Variants in PTPRT observed in about 807,000 individuals in gnomAD.
The protein encoded by PTPRT is protein tyrosine phosphatase receptor type T, also known as receptor-type tyrosine-protein phosphatase T.
Under a neutral mutation model 176.8 loss-of-function variants are expected in PTPRT, and 56 were observed. The observed-to-expected ratio is 0.32, with a 90% CI of 0.26 to 0.40. PTPRT has a LOEUF of 0.40. PTPRT is among the 10% of genes least tolerant of loss of function. PTPRT has a pLI of 1.00. For missense variants in PTPRT, 1,540 were observed against 1,908.2 expected (o/e 0.81, Z 3.60); for synonymous variants, 783 against 739.0 (o/e 1.06, Z -0.96).
At chr20:42,034,333 C>T in the PTPRT span, among the ~76,000 whole-genome samples, 1 of 152,118 alleles carries the variant, frequency 6.6e-6, no homozygotes, top group East Asian at 1.9e-4. Context: ...CCATTGTGGA[C>T]ATCTCCAGCT....
chr20:42,588,606 T>C (rs1377910636), intron 7 of PTPRT, among the ~76,000 whole-genome samples: 3 of 152,192 alleles, frequency 2.0e-5, no homozygotes, highest in South Asian at 4.1e-4. Context: ...TGATTATGCA[T>C]TTAAATAATA....
At chr20:42,384,020 G>T (rs568646516) in intron 9 of PTPRT, among the ~76,000 whole-genome samples, 82 of 152,310 alleles carry the variant, frequency 5.4e-4, no homozygotes, top group Non-Finnish European at 9.1e-4. Flanking sequence ...CGACAATATG[G>T]ATGGAAGATT....
chr20:42,669,481 C>G (rs1411400378), intron 7 of PTPRT, among the ~76,000 whole-genome samples: 2 of 152,126 alleles, frequency 1.3e-5, no homozygotes, highest in African/African-American at 4.8e-5. Context: ...AATTACAGTA[C>G]AGCAGAGATG....
chr20:42,167,898 AT>A (rs1989896517), intron 16 of PTPRT, among the ~76,000 whole-genome samples: 1 of 152,214 alleles, frequency 6.6e-6, no homozygotes, highest in African/African-American at 2.4e-5. Flanking sequence ...TTGAAAATCC[AT>A]GTATAACTTA....
intron 6 of PTPRT, among the ~76,000 whole-genome samples, chr20:42,697,876 T>C (rs903650905): frequency 2.6e-5 from 4 of 152,248 alleles, no homozygotes; most frequent in Non-Finnish European, 5.9e-5. Context: ...AACAAAGTTC[T>C]CTTAAAATTC....
At chr20:43,155,940 G>T (rs2014506979) in intron 1 of PTPRT, among the ~76,000 whole-genome samples, 1 of 152,306 alleles carries the variant, frequency 6.6e-6, no homozygotes, top group East Asian at 1.9e-4. Flanking sequence ...CAAGTCGCTT[G>T]TTCAGTTCCT....
chr20:42,620,493 T>C (rs1324665866), intron 7 of PTPRT, among the ~76,000 whole-genome samples: 2 of 148,120 alleles, frequency 1.4e-5, no homozygotes, highest in East Asian at 3.9e-4. Context: ...CTGGCTGCTT[T>C]GTTTACCTAA....
intron 9 of PTPRT, among the ~76,000 whole-genome samples, chr20:42,360,293 C>T (rs561944927): frequency 1.7e-4 from 26 of 152,254 alleles, no homozygotes; most frequent in South Asian, 1.7e-3. Flanking sequence ...TCCTTAGCAC[C>T]GGGCTGCTTC....
chr20:43,155,793 CAT>C (rs1186651750), intron 1 of PTPRT, among the ~76,000 whole-genome samples: 1 of 152,124 alleles, frequency 6.6e-6, no homozygotes, highest in East Asian at 1.9e-4. Context: ...ATGATAAAAA[CAT>C]ACAATTTTTT....
intron 15 of PTPRT, among the ~76,000 whole-genome samples, chr20:42,219,420 G>A (rs1219054733): frequency 2.0e-5 from 3 of 152,264 alleles, no homozygotes; most frequent in African/African-American, 4.8e-5. Context: ...TCTCAGGGAA[G>A]CCTGACTCCC....
intron 13 of PTPRT, among the ~76,000 whole-genome samples, chr20:42,279,291 T>C (rs1333830881): frequency 6.6e-6 from 1 of 152,036 alleles, no homozygotes; most frequent in Non-Finnish European, 1.5e-5. Flanking sequence ...GGTGGTAGTA[T>C]CCTCATAAAA....
Position 42,085,870 on chromosome 20 carries a change from G to C in PTPRT, c.3847-17C>G, listed in dbSNP as rs1276384109. The stretch of plus-strand genomic sequence containing the variant: ...CATACAGAACTGAGATAAGGAAAGA[G>C]GTCACAGAAGGAGCTCAAAGGCAGG... On this transcript the variant is annotated splice_polypyrimidine_tract_variant and intron_variant, in intron 27 of 30. Transcript: ENST00000373187. 6.2e-7 allele frequency: 1 copy of C among 1,602,714 alleles called. No homozygotes were observed. Among genetic ancestry groups the C allele is most frequent in the Non-Finnish European group, 8.5e-7 (1 of 1,170,742 alleles).
At chr20:42,236,917 G>T (rs1270207451) in intron 14 of PTPRT, among the ~76,000 whole-genome samples, 7 of 152,036 alleles carry the variant, frequency 4.6e-5, no homozygotes, top group Non-Finnish European at 4.4e-5. Flanking sequence ...TAGGAATTAT[G>T]TTCTGGGACT....
At chr20:42,323,869 C>T (rs1181294765) in intron 11 of PTPRT, among the ~76,000 whole-genome samples, 2 of 152,104 alleles carry the variant, frequency 1.3e-5, no homozygotes, top group African/African-American at 4.8e-5. Context: ...AGACAGACAA[C>T]CAGTGTTTGA....
intron 1 of PTPRT, among the ~76,000 whole-genome samples, chr20:43,174,616 C>T (rs2015083524): frequency 6.6e-6 from 1 of 152,178 alleles, no homozygotes; most frequent in Middle Eastern, 3.2e-3. Context: ...TTCATTCCAA[C>T]TTGAGCCAAA....
chr20:42,219,098 G>C (rs2055829739), intron 15 of PTPRT, among the ~76,000 whole-genome samples: 1 of 152,190 alleles, frequency 6.6e-6, no homozygotes, highest in Admixed American at 6.5e-5. Context: ...TGTACACTAG[G>C]AAGGCGGCTG....
intron 18 of PTPRT, among the ~76,000 whole-genome samples, chr20:42,138,424 C>T (rs6130055): frequency 0.052 from 7,852 of 152,300 alleles, 341 homozygotes; most frequent in East Asian, 0.19. Flanking sequence ...ACCCCTCCTA[C>T]GGAATCCTTC....
intron 7 of PTPRT, among the ~76,000 whole-genome samples, chr20:42,550,445 A>AT (rs2072748321): frequency 6.6e-6 from 1 of 152,024 alleles, no homozygotes; most frequent in African/African-American, 2.4e-5. Context: ...TATTCTTTGG[A>AT]TTAGGGTTTT....
In PTPRT at chr20:42,075,535, G is replaced by C. The variant is rs1354828182; in HGVS notation, c.*5344C>G. On this transcript the variant is annotated 3_prime_UTR_variant, in exon 31 of 31. Coordinates refer to ENST00000373187, the MANE Select transcript of PTPRT (RefSeq NM_007050.6). ...CAGGAGTGGCAAGCTGCAGCCTAAG[G>C]AAGGGTGGCTTTCTTCATTTTGTCC... 3 of 211,304 alleles carry C rather than the reference G, an allele frequency of 1.4e-5. No individual in the cohort carries two copies. Among genetic ancestry groups the C allele is most frequent in the African/African-American group, 6.8e-5 (3 of 44,114 alleles). 13.1% of individuals were successfully genotyped at this position (211,304 alleles called of 1,614,324 possible). A position where few individuals can be genotyped will look rare whatever the true frequency, so the allele number is the denominator to read the frequency against.
Sources: allele counts gnomAD v4.1 joint callset (sites outside exome capture counted in the v4.1 genomes callset), GRCh38; gene constraint gnomAD v4.1.1; transcripts MANE v1.5; gene names NCBI Gene and HGNC (gene_info 2026-07-23, HGNC 2026-07-21).